PLCD4: variants seen among roughly 807,000 people sequenced by gnomAD.
PLCD4 encodes phospholipase C delta 4, also known as 1-phosphatidylinositol 4,5-bisphosphate phosphodiesterase delta-4.
In PLCD4, 63 loss-of-function variants were observed where a neutral mutation model predicts 90.2. The observed-to-expected ratio is 0.70, with a 90% CI of 0.57 to 0.86. PLCD4 has a LOEUF of 0.86. PLCD4 is among the 40% of genes least tolerant of loss of function. The pLI is 0.00. For missense variants in PLCD4, 830 were observed against 956.3 expected, an observed-to-expected ratio of 0.87 and a Z score of 1.74; for synonymous variants, 294 against 356.5, an observed-to-expected ratio of 0.82 and a Z score of 1.97.
At chr2:218,613,622 G>A (rs1453447301) in intron 1 of PLCD4, among the ~76,000 whole-genome samples, 2 of 152,086 alleles carry the variant, frequency 1.3e-5, no homozygotes, top group Non-Finnish European at 2.9e-5. Flanking sequence ...GGAGCTCAGT[G>A]GTGTAATCTC....
At chr2:218,617,165 T>C (rs1334161107) in intron 3 of PLCD4, among the ~76,000 whole-genome samples, 8 of 144,008 alleles carry the variant, frequency 5.6e-5, no homozygotes, top group Middle Eastern at 3.6e-3. Flanking sequence ...GGGGTTTCAC[T>C]GTGTTGGCCA....
In PLCD4 at chr2:218,629,678, ATG is replaced by A; in HGVS notation, c.1119+16_1119+17del. 6.2e-7 allele frequency: 1 copy of A among 1,609,456 alleles called. No homozygotes were observed. Among genetic ancestry groups the A allele is most frequent in the African/African-American group, 1.3e-5 (1 of 74,778 alleles). ...ATGCCTTCCAGGTAGTAGCCCCAGGATGGGGACACTGGTGAGGCCAGAAGGTC... is the reference window on the plus strand; with the variant it reads ...ATGCCTTCCAGGTAGTAGCCCCAGGAGGGACACTGGTGAGGCCAGAAGGTC... On this transcript the variant is annotated intron_variant, in intron 8 of 15. Coordinates refer to ENST00000450993, the MANE Select transcript of PLCD4 (RefSeq NM_032726.4).
At chr2:218,615,637 G>T in intron 1 of PLCD4, 70 bp from the exon 2 acceptor site, 1 of 1,358,528 alleles carries the variant, frequency 7.4e-7, no homozygotes, top group Non-Finnish European at 1.0e-6. Context: ...CTCAAAATTA[G>T]AAGCAAAAAT....
intron 5 of PLCD4, chr2:218,622,237 A>G (rs1695920081): frequency 6.4e-6 from 1 of 157,158 alleles, no homozygotes; most frequent in African/African-American, 2.4e-5. Context: ...ATGTGAGTAA[A>G]TAGGAGGAGG....
At chr2:218,623,807 C>G (rs887461223) in intron 6 of PLCD4, among the ~76,000 whole-genome samples, 1 of 152,182 alleles carries the variant, frequency 6.6e-6, no homozygotes, top group African/African-American at 2.4e-5. Flanking sequence ...CTTAGCCTCC[C>G]GAGTAGCTGG....
chr2:218,635,754 G>T, intron 13 of PLCD4, 42 bp from the exon 14 acceptor site: 1 of 1,594,852 alleles, frequency 6.3e-7, no homozygotes, highest in East Asian at 2.3e-5. Context: ...GGTGGGGCTG[G>T]GCTGAGCAGG....
At position 218,616,927 on chromosome 2, in the gene PLCD4, T is replaced by TAGAGAGAGAG. The variant is rs71266346; in HGVS notation, c.181+915_181+924dup. On this transcript the variant is annotated intron_variant, in intron 3 of 15. Coordinates refer to ENST00000450993, the MANE Select transcript of PLCD4 (RefSeq NM_032726.4). ...ATATATATATATATATATATATATA[T>TAGAGAGAGAG]AGAGAGAGAGAGAGAGAGAGAGAGA... Among the ~76,000 whole-genome samples, 11 of 13,762 alleles carry TAGAGAGAGAG rather than the reference T, an allele frequency of 8.0e-4. 2 individuals carry two copies. The highest frequency in any genetic ancestry group is 1.3e-3 in the Admixed American group (1 of 778). 9.0% of individuals were successfully genotyped at this position (13,762 alleles called of 152,430 possible).
intron 6 of PLCD4, among the ~76,000 whole-genome samples, chr2:218,624,730 A>G (rs369243028): frequency 7.9e-5 from 12 of 151,470 alleles, no homozygotes; most frequent in East Asian, 1.9e-4. Flanking sequence ...AAAAAAAAAA[A>G]AAAAGAAAAG....
intron 13 of PLCD4, among the ~76,000 whole-genome samples, chr2:218,635,424 C>T (rs986832997): frequency 2.0e-5 from 3 of 152,162 alleles, no homozygotes; most frequent in African/African-American, 4.8e-5. Flanking sequence ...CTGCAACCTC[C>T]GCCTCCTGGG....
Position 218,628,097 on chromosome 2 carries a change from T to G in PLCD4, c.841T>G (p.Phe281Val), listed in dbSNP as rs200161654. 123 of 1,614,016 alleles carry G rather than the reference T, an allele frequency of 7.6e-5. No homozygotes were observed. The highest frequency in any genetic ancestry group is 3.5e-4 in the Admixed American group (21 of 60,020). ...CCTCTGCTCTAAGGATGGAGACATC[T>G]TCAACCCAGCCTGCCTCCCCATCTA... ...SYLCSKDGDI[F>V]NPACLPIYQD... is the part of the protein sequence containing the mutation. The change falls in exon 7 of 16, where the codon TTC becomes GTC. Residue 281 changes from phenylalanine to valine, a missense_variant. Coordinates refer to ENST00000450993, the MANE Select transcript of PLCD4 (RefSeq NM_032726.4).
In PLCD4 at chr2:218,627,118, G is replaced by A. The variant is rs1696150650; in HGVS notation, c.773-911G>A. ...AATACAAAGAAAAAAAAAAAGAGCC[G>A]GGTGTAGTGGGGGGCGCCTGTAGTC... On this transcript the variant is annotated intron_variant, in intron 6 of 15. Transcript: ENST00000450993. 3.3e-5 allele frequency among the ~76,000 whole-genome samples: 5 copies of A among 151,526 alleles called. No individual in the cohort carries two copies. In the South Asian group the frequency reaches 1.0e-3, roughly 32 times the overall value.
At chr2:218,633,412 GTCTA>G in intron 10 of PLCD4, 189 bp from the exon 11 acceptor site, 2 of 734,378 alleles carry the variant, frequency 2.7e-6, no homozygotes, top group South Asian at 1.5e-5. Context: ...TGTTTTGTCC[GTCTA>G]TCTGTTGTCA....
intron 8 of PLCD4, 70 bp downstream of exon 8, chr2:218,629,733 T>A: frequency 6.5e-7 from 1 of 1,546,278 alleles, no homozygotes; most frequent in Admixed American, 1.8e-5. Flanking sequence ...GCTCTGGGTC[T>A]GGGGAGGGTG....
At chr2:218,620,675 C>G (rs1230034247) in intron 4 of PLCD4, among the ~76,000 whole-genome samples, 4 of 151,040 alleles carry the variant, frequency 2.6e-5, no homozygotes, top group Admixed American at 6.6e-5. Context: ...ATGATTGCAC[C>G]ACTTCACTTC....
chr2:218,634,582 C>T lies in PLCD4; in HGVS notation c.1848C>T (p.His616=), dbSNP rs776849115. The change falls in exon 13 of 16, where the codon CAC becomes CAT. Residue 616 remains histidine, a synonymous_variant. Coordinates refer to ENST00000450993, the MANE Select transcript of PLCD4 (RefSeq NM_032726.4). This position sits in a 1 kb window ranked among gnomAD's most constrained non-coding sequence, Gnocchi z 4.0. ...DFLRDIQSSF[H]PEKPISPFKA... is the part of the protein sequence containing the mutation. The stretch of plus-strand genomic sequence containing the variant: ...TGCGTGATATCCAGAGTTCTTTCCA[C>T]CCTGAGAAGCCCATCAGCCCTTTCA... The T allele has an allele frequency of 1.9e-6, 3 of 1,614,042 alleles. No homozygotes were observed. Among genetic ancestry groups the T allele is most frequent in the Non-Finnish European group, 8.5e-7 (1 of 1,179,902 alleles).
At chr2:218,618,558 C>A (rs1217219459) in intron 3 of PLCD4, 21 bp from the exon 4 acceptor site, 9 of 1,606,286 alleles carry the variant, frequency 5.6e-6, no homozygotes, top group Non-Finnish European at 7.7e-6. Flanking sequence ...TTAATGCCTC[C>A]ACCTGTTTCT....
intron 10 of PLCD4, among the ~76,000 whole-genome samples, chr2:218,632,537 T>C (rs1288147685): frequency 1.3e-5 from 2 of 152,170 alleles, no homozygotes; most frequent in African/African-American, 4.8e-5. Context: ...CACATCTTTT[T>C]TTTTAAAATG....
intron 4 of PLCD4, 23 bp downstream of exon 4, chr2:218,618,830 G>C (rs748996838): frequency 6.4e-7 from 1 of 1,557,344 alleles, no homozygotes; most frequent in South Asian, 1.2e-5. Flanking sequence ...TGGAGTCAGG[G>C]TGGGGGTGAG....
intron 3 of PLCD4, among the ~76,000 whole-genome samples, chr2:218,617,946 G>T (rs1331513128): frequency 2.6e-5 from 4 of 152,114 alleles, no homozygotes; most frequent in Non-Finnish European, 5.9e-5. Context: ...AATTAGCCGG[G>T]CATGGTGGTG....
Sources: gnomAD v4.1 joint callset for allele counts (sites outside exome capture counted in the v4.1 genomes callset) on GRCh38, gnomAD v4.1.1 for gene constraint, Gnocchi (gnomAD v3.1) non-coding constraint, MANE v1.5 for transcripts, NCBI Gene and HGNC (gene_info 2026-07-23, HGNC 2026-07-21) for gene names.